The following CDKAL1 variants were observed in gnomAD, a reference collection of about 807,000 sequenced individuals.
CDKAL1 encodes threonylcarbamoyladenosine tRNA methylthiotransferase.
In CDKAL1, 32 loss-of-function variants were observed where a neutral mutation model predicts 68.2. The observed-to-expected ratio is 0.47, with a 90% confidence interval of 0.35 to 0.63. CDKAL1 has a LOEUF of 0.63. Ranked by LOEUF, CDKAL1 falls within the 30% of genes least tolerant of loss-of-function variation. The pLI is 0.00. For missense variants in CDKAL1, 606 were observed against 696.7 expected, an observed-to-expected ratio of 0.87 and a Z score of 1.47; for synonymous variants, 234 against 244.3, an observed-to-expected ratio of 0.96 and a Z score of 0.39.
intron 8 of CDKAL1, among the ~76,000 whole-genome samples, chr6:20,790,472 G>A (rs1242235540): frequency 6.6e-6 from 1 of 152,162 alleles, no homozygotes; most frequent in Non-Finnish European, 1.5e-5. Context: ...GTCGGAGAAA[G>A]GTAGCTTGAG....
chr6:21,105,779 G>T (rs1020120573), intron 12 of CDKAL1, among the ~76,000 whole-genome samples: 1 of 152,312 alleles, frequency 6.6e-6, no homozygotes, highest in East Asian at 1.9e-4. Flanking sequence ...CAAGACAGGG[G>T]CAGTGTTAGG....
intron 15 of CDKAL1, among the ~76,000 whole-genome samples, chr6:21,207,662 G>A (rs1039584631): frequency 1.3e-5 from 2 of 152,130 alleles, no homozygotes; most frequent in Non-Finnish European, 2.9e-5. Flanking sequence ...GTTACTCAAT[G>A]TCCCTCCACC....
At chr6:21,206,925 A>ATTT (rs66590198) in intron 15 of CDKAL1, among the ~76,000 whole-genome samples, 3 of 137,222 alleles carry the variant, frequency 2.2e-5, no homozygotes, top group African/African-American at 2.7e-5. Context: ...TTTTACTTTA[A>ATTT]TTTCTTTTTT....
At chr6:20,859,038 T>A (rs1759480956) in intron 9 of CDKAL1, among the ~76,000 whole-genome samples, 1 of 152,142 alleles carries the variant, frequency 6.6e-6, no homozygotes, top group Non-Finnish European at 1.5e-5. Flanking sequence ...TTTTTTAGTA[T>A]AGGAAATTAA....
At chr6:20,783,369 G>A (rs1187112021) in intron 8 of CDKAL1, among the ~76,000 whole-genome samples, 1 of 152,128 alleles carries the variant, frequency 6.6e-6, no homozygotes, top group Non-Finnish European at 1.5e-5. Context: ...TTCCAGGTAC[G>A]TATTTGGCCT....
chr6:21,212,495 C>G (rs969994946), intron 15 of CDKAL1, among the ~76,000 whole-genome samples: 3 of 152,120 alleles, frequency 2.0e-5, no homozygotes, highest in Admixed American at 1.3e-4. Flanking sequence ...CGAGTTGCTT[C>G]TAACCATAAA....
At position 20,765,379 on chromosome 6, in the gene CDKAL1, A is replaced by G. The variant is rs1240430758; in HGVS notation, c.517+6736A>G. On this transcript the variant is annotated intron_variant, in intron 7 of 15. Coordinates refer to ENST00000274695, the MANE Select transcript of CDKAL1 (RefSeq NM_017774.3). Reference sequence around the variant, plus strand: ...CACCGTTTTAGCCGGGATGGTCTCGATCTCCTGACCTCGTGATCCGCCCGC... The same window carrying G: ...CACCGTTTTAGCCGGGATGGTCTCGGTCTCCTGACCTCGTGATCCGCCCGC... Among the ~76,000 whole-genome samples, 4 of 121,756 alleles carry G rather than the reference A, an allele frequency of 3.3e-5. 2 individuals are homozygous for G. The highest frequency in any genetic ancestry group is 1.2e-4 in the African/African-American group (4 of 32,396). The allele number at this position is 121,756 out of a possible 152,430, so 79.9% of individuals were successfully genotyped here.
chr6:20,754,198 G>T (rs1055412849), intron 6 of CDKAL1, among the ~76,000 whole-genome samples: 1 of 152,072 alleles, frequency 6.6e-6, no homozygotes, highest in East Asian at 1.9e-4. Context: ...CCCAAGCTGG[G>T]CTCAAACTCC....
At chr6:20,559,031 A>G (rs78666064) in intron 4 of CDKAL1, 2 of 152,734 alleles carry the variant, frequency 1.3e-5, no homozygotes, top group Non-Finnish European at 2.9e-5. Context: ...TTTTCTTTTT[A>G]AAATGGAGCA....
chr6:21,200,912 T>TA (rs1778661577), intron 14 of CDKAL1, 198 bp from the exon 15 acceptor site: 1 of 441,754 alleles, frequency 2.3e-6, no homozygotes, highest in Non-Finnish European at 4.0e-6. Context: ...CGGTTAATAA[T>TA]ATTAATATAT....
chr6:20,805,462 C>T (rs1776533188), intron 8 of CDKAL1, among the ~76,000 whole-genome samples: 1 of 152,132 alleles, frequency 6.6e-6, no homozygotes, highest in South Asian at 2.1e-4. Flanking sequence ...AGGGCATACC[C>T]ATCATGCCAA....
intron 11 of CDKAL1, among the ~76,000 whole-genome samples, chr6:21,015,404 A>G (rs1233462420): frequency 6.6e-6 from 1 of 152,200 alleles, no homozygotes; most frequent in Non-Finnish European, 1.5e-5. Flanking sequence ...CGACTTTTTT[A>G]TAGAAAATAC....
chr6:21,181,760 A>G (rs1383258061), intron 13 of CDKAL1, among the ~76,000 whole-genome samples: 2 of 152,200 alleles, frequency 1.3e-5, no homozygotes, highest in Non-Finnish European at 2.9e-5. Context: ...GAGAACTTTT[A>G]TATGGCCATT....
At chr6:20,632,852 A>G (rs1165253311) in intron 4 of CDKAL1, among the ~76,000 whole-genome samples, 1 of 152,210 alleles carries the variant, frequency 6.6e-6, no homozygotes. Context: ...GTGGGCACAT[A>G]GAAAGCAGTG....
intron 5 of CDKAL1, among the ~76,000 whole-genome samples, chr6:20,699,171 C>T (rs1439915936): frequency 1.3e-5 from 2 of 151,922 alleles, no homozygotes; most frequent in African/African-American, 4.8e-5. Flanking sequence ...CATTTGTCAC[C>T]TGAATGGTTT....
At chr6:21,120,320 C>G (rs572527884) in intron 13 of CDKAL1, among the ~76,000 whole-genome samples, 17 of 152,334 alleles carry the variant, frequency 1.1e-4, no homozygotes, top group African/African-American at 4.1e-4. Context: ...AAGGCACTTA[C>G]CCATCATCCC....
chr6:20,867,227 G>A (rs1759958288), intron 9 of CDKAL1, among the ~76,000 whole-genome samples: 1 of 152,088 alleles, frequency 6.6e-6, no homozygotes, highest in Non-Finnish European at 1.5e-5. Flanking sequence ...CAATTTTTTA[G>A]TTGTAAATTA....
intron 13 of CDKAL1, among the ~76,000 whole-genome samples, chr6:21,184,506 A>C (rs879376611): frequency 3.3e-5 from 5 of 152,152 alleles, no homozygotes; most frequent in Non-Finnish European, 5.9e-5. Context: ...CAGCTCTTAC[A>C]TGCTGAGTAG....
At chr6:21,140,568 T>A (rs1367127615) in intron 13 of CDKAL1, among the ~76,000 whole-genome samples, 2 of 152,190 alleles carry the variant, frequency 1.3e-5, no homozygotes, top group Non-Finnish European at 1.5e-5. Context: ...TCGGTGTCAC[T>A]CTATCAAGGG....
Sources: allele counts gnomAD v4.1 joint callset (sites outside exome capture counted in the v4.1 genomes callset), GRCh38; gene constraint gnomAD v4.1.1; transcripts MANE v1.5; gene names NCBI Gene and HGNC (gene_info 2026-07-23, HGNC 2026-07-21).